PREP: variants seen among roughly 807,000 people sequenced by gnomAD.
The protein encoded by PREP is dJ355L5.1 (prolyl endopeptidase).
Under a neutral mutation model 87.6 loss-of-function variants are expected in PREP, and 29 were observed. The ratio of observed to expected loss-of-function variants is 0.33; its 90% CI spans 0.25 to 0.45. The LOEUF (loss-of-function observed/expected upper bound fraction) is 0.45. Among genes scored for constraint, PREP ranks in the 20% least tolerant of loss-of-function variants. The pLI, the probability that PREP is intolerant of heterozygous loss-of-function variation, is 1.00. For synonymous variants in PREP, 337 were observed against 328.6 expected (o/e 1.03, Z -0.28); for missense variants, 695 against 886.5 (o/e 0.78, Z 2.74).
intron 2 of PREP, among the ~76,000 whole-genome samples, chr6:105,394,141 G>A (rs1166157592): frequency 6.6e-6 from 1 of 151,822 alleles, no homozygotes; most frequent in East Asian, 1.9e-4. Context: ...AGGAATTCAA[G>A]GACATTTTAA....
intron 6 of PREP, among the ~76,000 whole-genome samples, chr6:105,359,951 A>G (rs1054014817): frequency 7.9e-5 from 12 of 152,284 alleles, no homozygotes; most frequent in South Asian, 2.1e-4. Flanking sequence ...CTTCTAGCAC[A>G]CAAATTTCTA....
At chr6:105,390,530 T>C (rs1360169050) in intron 2 of PREP, among the ~76,000 whole-genome samples, 2 of 152,214 alleles carry the variant, frequency 1.3e-5, no homozygotes, top group Non-Finnish European at 2.9e-5. Context: ...AGGACAGTTC[T>C]GTGAAAGCCA....
intron 2 of PREP, among the ~76,000 whole-genome samples, chr6:105,385,989 G>C (rs1239222359): frequency 1.3e-5 from 2 of 152,070 alleles, no homozygotes; most frequent in South Asian, 2.1e-4. Flanking sequence ...GCGTGGTGGC[G>C]CATGCCTGTA....
intron 4 of PREP, among the ~76,000 whole-genome samples, chr6:105,374,775 G>C (rs754845133): frequency 6.7e-6 from 1 of 150,344 alleles, no homozygotes; most frequent in Non-Finnish European, 1.5e-5. Flanking sequence ...AAAATAATCT[G>C]AATGTTTACT....
chr6:105,323,202 T>C, intron 10 of PREP: 1 of 1,074,290 alleles, frequency 9.3e-7, no homozygotes, highest in South Asian at 1.3e-5. Context: ...AATTTATTCA[T>C]TCAAATGTTT....
At chr6:105,376,023 C>CCA in intron 4 of PREP, 102 bp downstream of exon 4, 2 of 1,408,730 alleles carry the variant, frequency 1.4e-6, no homozygotes, top group Non-Finnish European at 1.9e-6. Context: ...ACAATATGGT[C>CCA]CACACCCTGC....
At chr6:105,366,235 C>T (rs965025970) in intron 6 of PREP, among the ~76,000 whole-genome samples, 61 of 152,050 alleles carry the variant, frequency 4.0e-4, no homozygotes, top group Admixed American at 3.8e-3. Flanking sequence ...CTAGCCTGGG[C>T]GACAGAGCGA....
chr6:105,304,971 G>A (rs560136144), intron 10 of PREP, among the ~76,000 whole-genome samples: 2 of 152,266 alleles, frequency 1.3e-5, no homozygotes, highest in East Asian at 3.9e-4. Flanking sequence ...CAATGCCAGG[G>A]CAGAGGAGCT....
At chr6:105,342,211 G>A (rs1196358581) in intron 7 of PREP, among the ~76,000 whole-genome samples, 2 of 152,176 alleles carry the variant, frequency 1.3e-5, no homozygotes, top group Non-Finnish European at 2.9e-5. Flanking sequence ...TCATCCCTGG[G>A]ATGCAAGGCT....
chr6:105,310,489 C>T lies in PREP; in HGVS notation c.1317+13176G>A. ...ATCCACCTTGTCAAATCCAGTAACT[C>T]CTCTTCCTTCCTCATTTGCCCAACC... On this transcript the variant is annotated intron_variant, in intron 10 of 14. Transcript: ENST00000652536. Among the ~76,000 whole-genome samples, 2 of 152,140 alleles carry T rather than the reference C, an allele frequency of 1.3e-5. 1 individual carries two copies. The highest frequency in any genetic ancestry group is 2.9e-5 in the Non-Finnish European group (2 of 68,030).
chr6:105,328,183 AT>A (rs962558049), intron 9 of PREP, among the ~76,000 whole-genome samples: 1 of 152,136 alleles, frequency 6.6e-6, no homozygotes, highest in African/African-American at 2.4e-5. Flanking sequence ...GTAGCTAAAG[AT>A]TTTACATTTT....
intron 10 of PREP, among the ~76,000 whole-genome samples, chr6:105,321,188 C>A (rs1770996249): frequency 6.6e-6 from 1 of 152,180 alleles, no homozygotes; most frequent in Admixed American, 6.5e-5. Flanking sequence ...ACAGGCTATA[C>A]CCTGTTTATG....
Position 105,278,889 on chromosome 6 carries a change from T to A in PREP, c.1839-451A>T, listed in dbSNP as rs548228359. The A allele has an allele frequency of 1.3e-3, 207 of 155,054 alleles. No individual in the cohort carries two copies. Among genetic ancestry groups the A allele is most frequent in the Middle Eastern group, 6.8e-3 (2 of 294 alleles). The allele number at this position is 155,054 out of a possible 1,614,324, so 9.6% of individuals were successfully genotyped here. The stretch of plus-strand genomic sequence containing the variant: ...CTTGCTGCCCCTTTAATAACATCTA[T>A]AAAGCCTTTATTCCAGGCTCAGTTT... On this transcript the variant is annotated intron_variant, in intron 14 of 14. Coordinates refer to ENST00000652536, the MANE Select transcript of PREP (RefSeq NM_002726.5). The surrounding 1 kb of genome is among the most constrained non-coding windows in gnomAD (Gnocchi z 4.2).
intron 2 of PREP, among the ~76,000 whole-genome samples, chr6:105,386,051 C>CA (rs1772986114): frequency 6.6e-6 from 1 of 152,134 alleles, no homozygotes; most frequent in African/African-American, 2.4e-5. Context: ...ACCAGGGAGT[C>CA]AGAGATTGCA....
At position 105,380,035 on chromosome 6, in the gene PREP, T is replaced by C. The variant is rs549514116; in HGVS notation, c.121-2516A>G. On this transcript the variant is annotated intron_variant, in intron 2 of 14. Transcript: ENST00000652536. ...TGAAAACCTTTATGGCAATTTGACATTACTATGGCATCTTCATTATAGTTT... is the reference window on the plus strand; with the variant it reads ...TGAAAACCTTTATGGCAATTTGACACTACTATGGCATCTTCATTATAGTTT... 2.2e-4 allele frequency among the ~76,000 whole-genome samples: 33 copies of C among 152,336 alleles called. No individual in the cohort carries two copies. The South Asian group carries it at 6.4e-3, about 30-fold the overall frequency.
intron 2 of PREP, among the ~76,000 whole-genome samples, chr6:105,380,974 A>G (rs1170637016): frequency 3.3e-5 from 5 of 152,220 alleles, no homozygotes; most frequent in African/African-American, 1.2e-4. Context: ...TGGTATAATT[A>G]CAACTACTGC....
At chr6:105,383,921 C>CA (rs1292526042) in intron 2 of PREP, among the ~76,000 whole-genome samples, 1 of 152,086 alleles carries the variant, frequency 6.6e-6, no homozygotes, top group Non-Finnish European at 1.5e-5. Flanking sequence ...ATCGTGAGGA[C>CA]ATTAAACACA....
intron 10 of PREP, among the ~76,000 whole-genome samples, chr6:105,303,461 G>A (rs146293398): frequency 5.9e-5 from 9 of 151,606 alleles, no homozygotes; most frequent in African/African-American, 1.7e-4. Context: ...TTGCTGTTTC[G>A]CATCTCCAGA....
At chr6:105,314,290 G>A (rs1770816654) in intron 10 of PREP, among the ~76,000 whole-genome samples, 1 of 152,130 alleles carries the variant, frequency 6.6e-6, no homozygotes, top group South Asian at 2.1e-4. Flanking sequence ...GGTTGCTGTG[G>A]CAATTTCTTA....
Sources: allele counts gnomAD v4.1 joint callset (sites outside exome capture counted in the v4.1 genomes callset), GRCh38; gene constraint gnomAD v4.1.1; non-coding constraint Gnocchi (gnomAD v3.1); transcripts MANE v1.5; gene names NCBI Gene and HGNC (gene_info 2026-07-23, HGNC 2026-07-21).